The following ACVR2A variants were observed in gnomAD, a reference collection of about 807,000 sequenced individuals.
ACVR2A encodes the protein activin A receptor type 2A.
A neutral mutation model predicts 61.4 loss-of-function variants in ACVR2A; 7 were observed. The observed-to-expected ratio is 0.11, with a 90% CI of 0.06 to 0.21. The LOEUF (loss-of-function observed/expected upper bound fraction) is 0.21, where lower values mean the gene tolerates loss of function less well. ACVR2A is among the 10% of genes least tolerant of loss of function. ACVR2A has a pLI of 1.00. For synonymous variants in ACVR2A, 193 were observed against 208.3 expected, an observed-to-expected ratio of 0.93 and a Z score of 0.63; for missense variants, 322 against 621.7, an observed-to-expected ratio of 0.52 and a Z score of 5.13.
chr2:147,883,597 C>G (rs867474198), intron 1 of ACVR2A, among the ~76,000 whole-genome samples: 1 of 151,870 alleles, frequency 6.6e-6, no homozygotes, highest in African/African-American at 2.4e-5. Flanking sequence ...AAAGTTGAAG[C>G]AACATAGTTA....
chr2:147,859,012 TC>T (rs1416144527), intron 1 of ACVR2A, among the ~76,000 whole-genome samples: 1 of 152,106 alleles, frequency 6.6e-6, no homozygotes, highest in African/African-American at 2.4e-5. Flanking sequence ...GTGGCATCCC[TC>T]CCCCACCTTA....
At chr2:147,924,019 G>C (rs1433331236) in intron 9 of ACVR2A, among the ~76,000 whole-genome samples, 1 of 152,064 alleles carries the variant, frequency 6.6e-6, no homozygotes, top group African/African-American at 2.4e-5. Flanking sequence ...GAATTTAATA[G>C]AGTGTTCAGA....
chr2:147,866,706 A>T (rs1361793596), intron 1 of ACVR2A, among the ~76,000 whole-genome samples: 1 of 152,188 alleles, frequency 6.6e-6, no homozygotes, highest in African/African-American at 2.4e-5. Flanking sequence ...TGGAAGGGCC[A>T]TTTTGAGCAG....
chr2:147,905,957 T>C (rs1424920147), intron 4 of ACVR2A, among the ~76,000 whole-genome samples: 2 of 152,178 alleles, frequency 1.3e-5, no homozygotes, highest in African/African-American at 2.4e-5. Flanking sequence ...AAGTGACTTC[T>C]GTTTAAATTT....
rs188462143 is a variant in ACVR2A at position 147,882,218 on chromosome 2, A to G, written c.56-14083A>G. 2.0e-5 allele frequency among the ~76,000 whole-genome samples: 3 copies of G among 152,336 alleles called. No homozygotes were observed. In the East Asian group the frequency reaches 5.8e-4, roughly 29 times the overall value. ...TTAACAATATTGAAATACGTTTTGG[A>G]TGCTTGCCTTTGTAATTTGTCAGGA... On this transcript the variant is annotated intron_variant, in intron 1 of 10. Coordinates refer to ENST00000241416, the MANE Select transcript of ACVR2A (RefSeq NM_001616.5).
chr2:147,920,278 C>A lies in ACVR2A; in HGVS notation c.1011C>A (p.Cys337Ter). The part of the protein sequence containing the change: ...NVLLKNNLTA[C>*]IADFGLALKF... ...TGTTGAAAAACAACCTGACAGCTTG[C>A]ATTGCTGACTTTGGGTTGGCCTTAA... Residue 337 changes from cysteine (C) to a stop codon, truncating the protein, a stop_gained, in exon 8 of 11, where the codon TGC becomes TGA. Coordinates refer to ENST00000241416, the MANE Select transcript of ACVR2A (RefSeq NM_001616.5). LOFTEE classifies it high-confidence loss of function. 6.2e-7 allele frequency: 1 copy of A among 1,613,634 alleles called. No homozygotes were observed. Among genetic ancestry groups the A allele is most frequent in the Non-Finnish European group, 8.5e-7 (1 of 1,179,664 alleles).
At chr2:147,872,324 T>C (rs1020674886) in intron 1 of ACVR2A, among the ~76,000 whole-genome samples, 2 of 151,994 alleles carry the variant, frequency 1.3e-5, no homozygotes, top group Non-Finnish European at 2.9e-5. Flanking sequence ...CAATGTGTTG[T>C]GTAATTGATT....
rs766319709 is a variant in ACVR2A, at chr2:147,918,571, A to G, written c.941A>G (p.His314Arg). 6.2e-7 allele frequency: 1 copy of G among 1,608,638 alleles called. No homozygotes were observed. The highest frequency in any genetic ancestry group is 8.5e-7 in the Non-Finnish European group (1 of 1,177,886). ...HEDIPGLKDG[H>R]KPAISHRDIK... ...GATATACCTGGCCTAAAAGATGGCCACAAACCTGCCATATCTCACAGGTAG... is the reference window on the plus strand; with the variant it reads ...GATATACCTGGCCTAAAAGATGGCCGCAAACCTGCCATATCTCACAGGTAG... Residue 314 changes from histidine to arginine, a missense_variant, in exon 7 of 11, where the codon CAC becomes CGC. Coordinates refer to ENST00000241416, the MANE Select transcript of ACVR2A (RefSeq NM_001616.5).
In ACVR2A at chr2:147,930,258, A is replaced by T. The variant is rs1326740514; in HGVS notation, c.*2984A>T. On this transcript the variant is annotated 3_prime_UTR_variant, in exon 11 of 11. Transcript: ENST00000241416. ...TCTTCTGTTGCATTTCCTCACCCCT[A>T]AGTAACAGCTACATTTAAGTAAAAT... 1 of 152,154 alleles carries T rather than the reference A, an allele frequency of 6.6e-6. No individual in the cohort carries two copies. Among genetic ancestry groups the T allele is most frequent in the African/African-American group, 2.4e-5 (1 of 41,346 alleles). The allele number at this position is 152,154 out of a possible 1,614,324, so 9.4% of individuals were successfully genotyped here. A position where few individuals can be genotyped will look rare whatever the true frequency, so the allele number is the denominator to read the frequency against.
intron 1 of ACVR2A, among the ~76,000 whole-genome samples, chr2:147,866,361 A>C (rs1413320001): frequency 6.6e-6 from 1 of 152,188 alleles, no homozygotes; most frequent in Non-Finnish European, 1.5e-5. Context: ...AGATATTGTT[A>C]AAATGTAGAT....
At chr2:147,864,034 G>A (rs1226194940) in intron 1 of ACVR2A, among the ~76,000 whole-genome samples, 1 of 152,166 alleles carries the variant, frequency 6.6e-6, no homozygotes, top group Non-Finnish European at 1.5e-5. Flanking sequence ...ATAATTTAAT[G>A]TTAGTGGTCA....
chr2:147,873,577 GA>G (rs1454708691), intron 1 of ACVR2A, among the ~76,000 whole-genome samples: 3 of 151,872 alleles, frequency 2.0e-5, no homozygotes, highest in Non-Finnish European at 4.4e-5. Flanking sequence ...GGAAATTGGG[GA>G]AAGCATAAGA....
At chr2:147,849,332 G>T (rs762519554) in intron 1 of ACVR2A, among the ~76,000 whole-genome samples, 8 of 152,122 alleles carry the variant, frequency 5.3e-5, no homozygotes, top group Non-Finnish European at 8.8e-5. Context: ...GTGTGTGTGT[G>T]TAACATGTTG....
At chr2:147,877,968 A>C (rs192713030) in intron 1 of ACVR2A, among the ~76,000 whole-genome samples, 2 of 152,138 alleles carry the variant, frequency 1.3e-5, no homozygotes, top group African/African-American at 4.8e-5. Flanking sequence ...GTATTTCTCA[A>C]TTACCGACTA....
At chr2:147,918,784 A>T (rs943300370) in intron 7 of ACVR2A, among the ~76,000 whole-genome samples, 192 bp downstream of exon 7, 1 of 152,068 alleles carries the variant, frequency 6.6e-6, no homozygotes, top group Non-Finnish European at 1.5e-5. Flanking sequence ...TGTTAACATT[A>T]TTGGTAAAGT....
intron 1 of ACVR2A, among the ~76,000 whole-genome samples, chr2:147,881,602 AGTGTGTGT>A (rs145075375): frequency 0.2 from 16,493 of 81,322 alleles, 1,147 homozygotes; most frequent in South Asian, 0.3. Context: ...GAAGCTGCTT[AGTGTGTGT>A]GTGTGTGTGT....
chr2:147,895,027 C>CTATTCAATAT (rs1686693571), intron 1 of ACVR2A, among the ~76,000 whole-genome samples: 1 of 151,734 alleles, frequency 6.6e-6, no homozygotes, highest in African/African-American at 2.4e-5. Flanking sequence ...ACTTTTTAGC[C>CTATTCAATAT]TAGAAATATT....
chr2:147,882,315 C>T (rs1686325276), intron 1 of ACVR2A, among the ~76,000 whole-genome samples: 2 of 152,252 alleles, frequency 1.3e-5, no homozygotes, highest in Admixed American at 6.5e-5. Flanking sequence ...CTTTGGGAGG[C>T]CCAGTGGGGC....
chr2:147,894,184 G>A (rs1441847238), intron 1 of ACVR2A, among the ~76,000 whole-genome samples: 1 of 152,048 alleles, frequency 6.6e-6, no homozygotes, highest in Non-Finnish European at 1.5e-5. Context: ...CCATTTATAT[G>A]TGGGTCTATT....
Sources: gnomAD v4.1 joint callset for allele counts (sites outside exome capture counted in the v4.1 genomes callset) on GRCh38, gnomAD v4.1.1 for gene constraint, MANE v1.5 for transcripts, NCBI Gene and HGNC (gene_info 2026-07-23, HGNC 2026-07-21) for gene names.